THSD7A: variants seen among roughly 807,000 people sequenced by gnomAD.
The protein encoded by THSD7A is thrombospondin type 1 domain containing 7A.
In THSD7A, 96 loss-of-function variants were observed where a neutral mutation model predicts 231.3. The observed-to-expected ratio is 0.41, with a 90% CI of 0.35 to 0.49. The LOEUF is 0.49. Ranked by LOEUF, THSD7A falls within the 20% of genes least tolerant of loss-of-function variation. The pLI is 0.05. For missense variants in THSD7A, 2,290 were observed against 2,070.2 expected (o/e 1.11, Z -2.06); for synonymous variants, 940 against 743.3 (o/e 1.26, Z -4.30).
chr7:11,659,792 G>A (rs1042263130), intron 1 of THSD7A, among the ~76,000 whole-genome samples: 10 of 151,506 alleles, frequency 6.6e-5, no homozygotes, highest in African/African-American at 2.2e-4. Flanking sequence ...TTAGTGAGGT[G>A]AAATCTCTTC....
chr7:11,661,111 T>C (rs1031565438), intron 1 of THSD7A, among the ~76,000 whole-genome samples: 4 of 151,362 alleles, frequency 2.6e-5, no homozygotes, highest in African/African-American at 7.3e-5. Flanking sequence ...GAAGTAACCA[T>C]GGTAAGTAAC....
At chr7:11,404,242 C>CTCAAG (rs1783506880) in intron 22 of THSD7A, among the ~76,000 whole-genome samples, 1 of 152,116 alleles carries the variant, frequency 6.6e-6, no homozygotes, top group Non-Finnish European at 1.5e-5. Context: ...TATCTCTGGC[C>CTCAAG]TCAAGTCCAG....
At chr7:11,572,012 C>G (rs1027651585) in intron 4 of THSD7A, among the ~76,000 whole-genome samples, 1 of 151,876 alleles carries the variant, frequency 6.6e-6, no homozygotes, top group African/African-American at 2.4e-5. Flanking sequence ...AGATCATTCC[C>G]TTCTTTCTCT....
intron 8 of THSD7A, among the ~76,000 whole-genome samples, chr7:11,471,202 T>C (rs1785924277): frequency 6.6e-6 from 1 of 151,954 alleles, no homozygotes; most frequent in Admixed American, 6.6e-5. Context: ...TCTTTTGAAG[T>C]CATATAAATC....
intron 2 of THSD7A, among the ~76,000 whole-genome samples, chr7:11,593,741 A>G (rs1449539424): frequency 6.6e-6 from 1 of 152,246 alleles, no homozygotes; most frequent in Non-Finnish European, 1.5e-5. Flanking sequence ...TAGAAAATAA[A>G]GAGAATTAAG....
chr7:11,801,077 G>A (rs1360297667), intron 1 of THSD7A, among the ~76,000 whole-genome samples: 1 of 152,050 alleles, frequency 6.6e-6, no homozygotes, highest in African/African-American at 2.4e-5. Flanking sequence ...TGAGGTGGGA[G>A]GATCTCTTGG....
chr7:11,545,432 G>T (rs1789339856), intron 4 of THSD7A, among the ~76,000 whole-genome samples: 1 of 152,170 alleles, frequency 6.6e-6, no homozygotes, highest in South Asian at 2.1e-4. Context: ...AACAGGTTAA[G>T]CAAGATGGCT....
intron 2 of THSD7A, among the ~76,000 whole-genome samples, chr7:11,594,232 T>C (rs6978433): frequency 0.44 from 67,168 of 151,924 alleles, 15,768 homozygotes; most frequent in East Asian, 0.6. Flanking sequence ...AGCTTGCAGA[T>C]GGCCTATTGT....
chr7:11,453,918 A>G (rs1785222974), intron 11 of THSD7A, among the ~76,000 whole-genome samples: 1 of 151,980 alleles, frequency 6.6e-6, no homozygotes, highest in Non-Finnish European at 1.5e-5. Context: ...AATTCTATCC[A>G]TAGTTATTAT....
intron 1 of THSD7A, among the ~76,000 whole-genome samples, chr7:11,813,887 T>G (rs1043960305): frequency 2.0e-5 from 3 of 152,094 alleles, no homozygotes; most frequent in African/African-American, 7.2e-5. Context: ...TCAATGTTCA[T>G]AGTAGCATGA....
rs767422894 is a variant in THSD7A at position 11,538,542 on chromosome 7, AAAATT to A, written c.1822+2872_1822+2876del. 1.1e-4 allele frequency among the ~76,000 whole-genome samples: 17 copies of A among 152,204 alleles called. No homozygotes were observed. In the East Asian group the frequency reaches 2.9e-3, roughly 26 times the overall value. ...AAATGAAACATATTCAAATATCAGA[AAAATT>A]AAAATAGGGCGGGTTTTGGGTCATT... is the stretch of plus-strand genomic sequence containing the variant. On this transcript the variant is annotated intron_variant, in intron 6 of 27. Coordinates refer to ENST00000423059, the MANE Select transcript of THSD7A (RefSeq NM_015204.3).
At chr7:11,426,817 A>G (rs1311097789) in intron 14 of THSD7A, 146 bp from the exon 15 acceptor site, 2 of 764,794 alleles carry the variant, frequency 2.6e-6, no homozygotes, top group Non-Finnish European at 4.0e-6. Context: ...ATATTAGAAC[A>G]TTTTTCTTAG....
chr7:11,509,821 C>CAAAAAAAA lies in THSD7A; in HGVS notation c.1823-27847_1823-27840dup, dbSNP rs751048602. ...TGGGCGACAGAGCCAGAGTCCGTCT[C>CAAAAAAAA]AAAAAAAAAAAAAAATAACATCTGA... On this transcript the variant is annotated intron_variant, in intron 6 of 27. Transcript: ENST00000423059. Among the ~76,000 whole-genome samples, 76 of 39,964 alleles carry CAAAAAAAA rather than the reference C, an allele frequency of 1.9e-3. 8 individuals carry two copies. Among genetic ancestry groups the CAAAAAAAA allele is most frequent in the Non-Finnish European group, 3.3e-3 (53 of 16,274 alleles). 26.2% of individuals were successfully genotyped at this position (39,964 alleles called of 152,430 possible).
At chr7:11,657,070 T>C (rs4720998) in intron 1 of THSD7A, among the ~76,000 whole-genome samples, 83,561 of 151,042 alleles carry the variant, frequency 0.55, 23,268 homozygotes, top group Admixed American at 0.62. Flanking sequence ...AGACATATGA[T>C]GTATGCCTTA....
At chr7:11,597,409 C>A (rs1780402380) in intron 2 of THSD7A, among the ~76,000 whole-genome samples, 1 of 152,092 alleles carries the variant, frequency 6.6e-6, no homozygotes, top group Non-Finnish European at 1.5e-5. Context: ...TGAGTGGGGT[C>A]CAGAACAGGA....
intron 1 of THSD7A, among the ~76,000 whole-genome samples, chr7:11,748,390 A>C (rs892432405): frequency 1.3e-5 from 2 of 152,034 alleles, no homozygotes; most frequent in Non-Finnish European, 2.9e-5. Context: ...AGATAAAACC[A>C]TTCCCCGATT....
chr7:11,807,235 A>G (rs1433688755), intron 1 of THSD7A, among the ~76,000 whole-genome samples: 1 of 152,188 alleles, frequency 6.6e-6, no homozygotes, highest in African/African-American at 2.4e-5. Context: ...TAGGGATCAC[A>G]TGATACAAAC....
At chr7:11,733,574 G>C (rs1237729085) in intron 1 of THSD7A, among the ~76,000 whole-genome samples, 1 of 151,776 alleles carries the variant, frequency 6.6e-6, no homozygotes, top group African/African-American at 2.4e-5. Context: ...GACTGTGACT[G>C]TGTAGAAAAA....
chr7:11,791,844 G>A (rs1583294675), intron 1 of THSD7A, among the ~76,000 whole-genome samples: 1 of 151,890 alleles, frequency 6.6e-6, no homozygotes, highest in Non-Finnish European at 1.5e-5. Context: ...TCATCATCCT[G>A]TTCTTTTTTG....
Sources: allele counts gnomAD v4.1 joint callset (sites outside exome capture counted in the v4.1 genomes callset), GRCh38; gene constraint gnomAD v4.1.1; transcripts MANE v1.5; gene names NCBI Gene and HGNC (gene_info 2026-07-23, HGNC 2026-07-21).